Variants in CHRNA1 observed in about 807,000 individuals in gnomAD.
The protein encoded by CHRNA1 is acetylcholine receptor subunit alpha.
In CHRNA1, 35 loss-of-function variants were observed where a neutral mutation model predicts 47.1. The ratio of observed to expected loss-of-function variants is 0.74; its 90% CI spans 0.57 to 0.99. CHRNA1 has a LOEUF of 0.99. Among genes scored for constraint, CHRNA1 ranks in the 50% least tolerant of loss-of-function variants. The pLI, the probability that CHRNA1 is intolerant of heterozygous loss-of-function variation, is 0.00. For missense variants in CHRNA1, 506 were observed against 591.1 expected (o/e 0.86, Z 1.49); for synonymous variants, 229 against 223.6 (o/e 1.02, Z -0.22).
At chr2:174,749,693 CAA>C (rs1411458674) in intron 7 of CHRNA1, among the ~76,000 whole-genome samples, 1 of 152,236 alleles carries the variant, frequency 6.6e-6, no homozygotes, top group Non-Finnish European at 1.5e-5. Flanking sequence ...CTTCTCTGAT[CAA>C]AGAGATTCTT....
At chr2:174,756,878 C>A (rs1397441177) in intron 4 of CHRNA1, among the ~76,000 whole-genome samples, 1 of 152,152 alleles carries the variant, frequency 6.6e-6, no homozygotes, top group Admixed American at 6.5e-5. Flanking sequence ...ATGCTCCTGC[C>A]TGGGAAGGAT....
intron 3 of CHRNA1, 188 bp from the exon 4 acceptor site, chr2:174,757,863 T>A (rs1684013614): frequency 2.1e-6 from 2 of 954,538 alleles, no homozygotes; most frequent in Non-Finnish European, 3.3e-6. Context: ...ACTGACGACG[T>A]GCTCACACTG....
Position 174,759,568 on chromosome 2 carries a change from T to G in CHRNA1, c.109A>C (p.Ser37Arg), listed in dbSNP as rs1416128086. The G allele has an allele frequency of 6.2e-7, 1 of 1,613,902 alleles. No homozygotes were observed. Among genetic ancestry groups the G allele is most frequent in the Non-Finnish European group, 8.5e-7 (1 of 1,179,988 alleles). Residue 37 changes from serine to arginine, a missense_variant, in exon 2 of 9, where the codon AGC becomes CGC. Ser to Arg is a moderately radical substitution (Grantham distance 110). Transcript: ENST00000348749. Reference protein sequence around the residue: ...LVAKLFKDYSSVVRPVEDHRQ... With the variant: ...LVAKLFKDYSRVVRPVEDHRQ... ...TGGTCTTCCACTGGCCGCACCACGC[T>G]GCTGTAGTCTTTAAATAGCTTTGCC...
At chr2:174,756,783 C>G (rs1450997800) in intron 4 of CHRNA1, among the ~76,000 whole-genome samples, 1 of 152,136 alleles carries the variant, frequency 6.6e-6, no homozygotes, top group Non-Finnish European at 1.5e-5. Context: ...TGTCACCTTC[C>G]CTAAGTCTGC....
intron 7 of CHRNA1, 100 bp from the exon 8 acceptor site, chr2:174,748,919 A>G: frequency 6.6e-7 from 1 of 1,507,894 alleles, no homozygotes; most frequent in Non-Finnish European, 9.0e-7. Context: ...TAAGTCATTC[A>G]GTTTTTCTGG....
At chr2:174,761,417 G>A (rs1684098000) in intron 1 of CHRNA1, among the ~76,000 whole-genome samples, 1 of 152,092 alleles carries the variant, frequency 6.6e-6, no homozygotes, top group South Asian at 2.1e-4. Context: ...CAACCAAGCA[G>A]CTGGGACCAC....
At chr2:174,756,199 A>G (rs1013339497) in intron 4 of CHRNA1, among the ~76,000 whole-genome samples, 2 of 152,308 alleles carry the variant, frequency 1.3e-5, no homozygotes, top group African/African-American at 4.8e-5. Context: ...AAAATAAGCC[A>G]TTTCTGCCGG....
chr2:174,754,882 C>A (rs999814946), intron 4 of CHRNA1, among the ~76,000 whole-genome samples: 2 of 120,414 alleles, frequency 1.7e-5, no homozygotes, highest in African/African-American at 3.5e-5. Flanking sequence ...GCCTACTACT[C>A]TTTTTTTTTT....
intron 3 of CHRNA1, 168 bp from the exon 4 acceptor site, chr2:174,757,843 A>G: frequency 1.1e-6 from 1 of 935,126 alleles, no homozygotes; most frequent in Non-Finnish European, 1.7e-6. Context: ...AAGAACAGCA[A>G]ATATATAGCA....
Position 174,759,929 on chromosome 2 carries a change from TAC to T in CHRNA1, c.44-298_44-297del, listed in dbSNP as rs5836472. Among the ~76,000 whole-genome samples, 47,690 of 143,710 alleles carry T rather than the reference TAC, an allele frequency of 0.33. 8,347 individuals carry two copies. The highest frequency in any genetic ancestry group is 0.65 in the East Asian group (3,146 of 4,858). The allele number at this position is 143,710 out of a possible 152,430, so 94.3% of individuals were successfully genotyped here. A position where few individuals can be genotyped will look rare whatever the true frequency, so the allele number is the denominator to read the frequency against. ...GCCTGGCTGAATCAAGTTTGCCAGG[TAC>T]ACACACACACACACACACACACACA... On this transcript the variant is annotated intron_variant, in intron 1 of 8. Transcript: ENST00000348749.
intron 1 of CHRNA1, among the ~76,000 whole-genome samples, chr2:174,763,365 C>T (rs1684133578): frequency 6.6e-6 from 1 of 150,936 alleles, no homozygotes; most frequent in Admixed American, 6.6e-5. Context: ...CACATCAGGC[C>T]AGCTTTGGCT....
intron 8 of CHRNA1, 27 bp downstream of exon 8, chr2:174,748,553 G>T: frequency 6.2e-7 from 1 of 1,608,106 alleles, no homozygotes; most frequent in Non-Finnish European, 8.5e-7. Flanking sequence ...AAACCCAGAG[G>T]CATGAATTTC....
In CHRNA1 at chr2:174,748,031, A is replaced by G; in HGVS notation, c.*93T>C. On this transcript the variant is annotated 3_prime_UTR_variant, in exon 9 of 9. Transcript: ENST00000348749. ...AGTATGGAATATAACACGTTTGATA[A>G]GTGCGAGTGGAGCAAGTAGACAAAT... The G allele has an allele frequency of 6.1e-6, 9 of 1,485,446 alleles. No homozygotes were observed. The highest frequency in any genetic ancestry group is 5.7e-5 in the South Asian group (5 of 87,040). 92.0% of individuals were successfully genotyped at this position (1,485,446 alleles called of 1,614,324 possible).
chr2:174,759,569 G>A lies in CHRNA1; in HGVS notation c.108C>T (p.Ser36=). Residue 36 remains serine, a synonymous_variant, in exon 2 of 9, where the codon AGC becomes AGT. Coordinates refer to ENST00000348749, the MANE Select transcript of CHRNA1 (RefSeq NM_000079.4). ...GGTCTTCCACTGGCCGCACCACGCT[G>A]CTGTAGTCTTTAAATAGCTTTGCCA... is the stretch of plus-strand genomic sequence containing the variant. ...RLVAKLFKDY[S]SVVRPVEDHR... is the part of the protein sequence containing the mutation. 1 of 1,614,022 alleles carries A rather than the reference G, an allele frequency of 6.2e-7. No individual in the cohort carries two copies. The highest frequency in any genetic ancestry group is 8.5e-7 in the Non-Finnish European group (1 of 1,179,986).
Position 174,754,233 on chromosome 2 carries a change from C to A in CHRNA1, c.526G>T (p.Val176Leu), listed in dbSNP as rs137852799. 1 of 1,613,524 alleles carries A rather than the reference C, an allele frequency of 6.2e-7. No individual in the cohort carries two copies. The highest frequency in any genetic ancestry group is 8.5e-7 in the Non-Finnish European group (1 of 1,179,938). ...LGTWTYDGSV[V>L]AINPESDQPD... ...CCACCACCTACCGGGTTGATGGCCA[C>A]GACAGAGCCGTCGTAGGTCCAGGTG... The change falls in exon 5 of 9, where the codon GTG becomes TTG. Residue 176 changes from valine (V) to leucine (L), a missense_variant. Physicochemically the swap from Val to Leu is conservative, Grantham distance 32. Transcript: ENST00000348749.
intron 4 of CHRNA1, among the ~76,000 whole-genome samples, chr2:174,754,900 T>TC (rs1331130401): frequency 8.0e-5 from 12 of 149,832 alleles, no homozygotes; most frequent in Non-Finnish European, 1.0e-4. Context: ...TTTTTTTTTT[T>TC]TTTGAGATGG....
rs1684061112 is a variant in CHRNA1 at position 174,759,652 on chromosome 2, C to A, written c.44-19G>T. 6.2e-7 allele frequency: 1 copy of A among 1,611,600 alleles called. No individual in the cohort carries two copies. The highest frequency in any genetic ancestry group is 1.3e-5 in the African/African-American group (1 of 74,942). On this transcript the variant is annotated intron_variant, in intron 1 of 8. Coordinates refer to ENST00000348749, the MANE Select transcript of CHRNA1 (RefSeq NM_000079.4). ...AGGCCAGCTGAGACAGCAGATGACACCAACACTGTCAGATTCTTCTCCCCA... is the reference window on the plus strand; with the variant it reads ...AGGCCAGCTGAGACAGCAGATGACAACAACACTGTCAGATTCTTCTCCCCA...
At chr2:174,757,821 A>C (rs1162605826) in intron 3 of CHRNA1, 146 bp from the exon 4 acceptor site, 2 of 963,560 alleles carry the variant, frequency 2.1e-6, no homozygotes, top group African/African-American at 3.3e-5. Context: ...TTTAGCTTTC[A>C]CTTCAGTAAA....
intron 1 of CHRNA1, 35 bp from the exon 2 acceptor site, chr2:174,759,668 C>A (rs1424451387): frequency 6.2e-7 from 1 of 1,609,520 alleles, no homozygotes; most frequent in Non-Finnish European, 8.5e-7. Context: ...CTGTCAGATT[C>A]TTCTCCCCAC....
Sources: gnomAD v4.1 joint callset for allele counts (sites outside exome capture counted in the v4.1 genomes callset) on GRCh38, gnomAD v4.1.1 for gene constraint, MANE v1.5 for transcripts, NCBI Gene and HGNC (gene_info 2026-07-23, HGNC 2026-07-21) for gene names.